ZNF133: variants seen among roughly 807,000 people sequenced by gnomAD.
The protein encoded by ZNF133 is zinc finger protein 133 (clone pHZ-13).
ZNF133 carries 26 observed loss-of-function variants against 54.9 expected under a neutral mutation model. The observed-to-expected ratio is 0.47, with a 90% CI of 0.35 to 0.66. The LOEUF is 0.66. ZNF133 is among the 30% of genes least tolerant of loss of function. The probability of loss-of-function intolerance (pLI) is 0.01; values close to 1 mark genes in which losing one functional copy is unlikely to be tolerated. For missense variants in ZNF133, 653 were observed against 820.8 expected (o/e 0.80, Z 2.50); for synonymous variants, 298 against 320.3 (o/e 0.93, Z 0.74).
At chr20:18,298,146 G>C in intron 2 of ZNF133, 84 bp downstream of exon 2, 1 of 1,529,978 alleles carries the variant, frequency 6.5e-7, no homozygotes, top group Non-Finnish European at 8.7e-7. Flanking sequence ...TTGGTGCCTA[G>C]TAGAGTTCAG....
Position 18,305,706 on chromosome 20 carries a change from C to T in ZNF133, c.20C>T (p.Ala7Val), listed in dbSNP as rs759265829. 3 of 1,614,044 alleles carry T rather than the reference C, an allele frequency of 1.9e-6. No homozygotes were observed. The Admixed American group carries it at 5.0e-5, about 27-fold the overall frequency. MAFRDV[A>V]VDFTQDEWRL... ...GCACACATGGCATTCAGGGATGTGG[C>T]TGTGGATTTCACCCAGGATGAGTGG... Residue 7 changes from alanine to valine, a missense_variant, in exon 5 of 7, where the codon GCT becomes GTT. Transcript: ENST00000425686. The surrounding 1 kb of genome is among the most constrained non-coding windows in gnomAD (Gnocchi z 4.7).
chr20:18,310,480 A>T (rs1036960824), intron 6 of ZNF133, among the ~76,000 whole-genome samples: 2 of 152,226 alleles, frequency 1.3e-5, no homozygotes, highest in Non-Finnish European at 2.9e-5. Flanking sequence ...TTGCAACAAC[A>T]TGGATGAACC....
intron 1 of ZNF133, among the ~76,000 whole-genome samples, chr20:18,296,172 C>G (rs1312769630): frequency 6.6e-6 from 1 of 152,080 alleles, no homozygotes; most frequent in Admixed American, 6.5e-5. Context: ...CTTTCTTCTC[C>G]CCCTTTTAGT....
At chr20:18,291,439 G>C (rs1250206284) in intron 1 of ZNF133, among the ~76,000 whole-genome samples, 1 of 152,102 alleles carries the variant, frequency 6.6e-6, no homozygotes, top group African/African-American at 2.4e-5. Flanking sequence ...AGTTGCTCTT[G>C]GTACTAGGTC....
intron 6 of ZNF133, chr20:18,312,671 A>C (rs2147796256): frequency 6.6e-6 from 1 of 152,320 alleles, no homozygotes; most frequent in African/African-American, 2.4e-5. Flanking sequence ...TTTCCTTCAG[A>C]AACTGGCATA....
intron 6 of ZNF133, chr20:18,310,127 T>C: frequency 7.6e-7 from 1 of 1,307,580 alleles, no homozygotes; most frequent in Non-Finnish European, 9.7e-7. Flanking sequence ...AAGCGAAACC[T>C]ATCTTTTTTG....
In ZNF133 at chr20:18,316,716, G is replaced by A. The variant is rs1600632208; in HGVS notation, c.1865G>A (p.Ser622Asn). 6 of 1,614,120 alleles carry A rather than the reference G, an allele frequency of 3.7e-6. No individual in the cohort carries two copies. Among genetic ancestry groups the A allele is most frequent in the Non-Finnish European group, 5.1e-6 (6 of 1,179,950 alleles). ...GRGFSLKSHL[S>N]RHRKTTSVHH... is the part of the protein sequence containing the mutation. ...GGCTTCAGCCTCAAGTCTCACCTCA[G>A]CAGACACAGGAAGACCACGTCTGTC... The change falls in exon 7 of 7, where the codon AGC becomes AAC. Residue 622 changes from serine to asparagine, a missense_variant. Physicochemically the swap from Ser to Asn is conservative, Grantham distance 46. This residue lies in a region of ZNF133 where 129 missense variants were observed against 138.5 expected (regional missense o/e 0.93). Transcript: ENST00000425686.
intron 1 of ZNF133, among the ~76,000 whole-genome samples, chr20:18,297,334 C>A (rs1279812843): frequency 6.6e-6 from 1 of 151,772 alleles, no homozygotes; most frequent in Non-Finnish European, 1.5e-5. Context: ...TTGTCTTTTT[C>A]TTTGATTTCT....
chr20:18,297,849 G>A lies in ZNF133; in HGVS notation c.-431-136G>A, dbSNP rs1600394583. The A allele has an allele frequency of 2.7e-5, 16 of 587,954 alleles. No homozygotes were observed. The East Asian group carries it at 4.6e-4, about 17-fold the overall frequency. The allele number at this position is 587,954 out of a possible 1,614,324, so 36.4% of individuals were successfully genotyped here. ...CCTTTTCCTTTGCTGTTTCCAAGCA[G>A]TATCTTTTCCTTGCTTTATACTTTC... On this transcript the variant is annotated intron_variant, in intron 1 of 6. Transcript: ENST00000425686.
In ZNF133 at chr20:18,316,898, G is replaced by C; in HGVS notation, c.*82G>C. The C allele has an allele frequency of 1.4e-6, 2 of 1,464,648 alleles. No homozygotes were observed. The highest frequency in any genetic ancestry group is 9.1e-7 in the Non-Finnish European group (1 of 1,097,980). The allele number at this position is 1,464,648 out of a possible 1,614,324, so 90.7% of individuals were successfully genotyped here. A position where few individuals can be genotyped will look rare whatever the true frequency, so the allele number is the denominator to read the frequency against. ...AGTAGAGAAATGCATTCTGTAAGTG[G>C]TCAAAGGACATTTGACTGTTTACTT... is the stretch of plus-strand genomic sequence containing the variant. On this transcript the variant is annotated 3_prime_UTR_variant, in exon 7 of 7. Coordinates refer to ENST00000425686, the MANE Select transcript of ZNF133 (RefSeq NM_001352452.2).
intron 1 of ZNF133, among the ~76,000 whole-genome samples, chr20:18,295,662 T>C (rs940981152): frequency 1.3e-5 from 2 of 152,160 alleles, no homozygotes; most frequent in African/African-American, 4.8e-5. Flanking sequence ...AATTAATTAA[T>C]TTATTTATTT....
intron 3 of ZNF133, among the ~76,000 whole-genome samples, chr20:18,303,460 T>C (rs911089304): frequency 2.6e-5 from 4 of 152,168 alleles, no homozygotes; most frequent in African/African-American, 7.2e-5. Flanking sequence ...TTAAACTTGA[T>C]ATGGAATCTC....
At chr20:18,311,520 A>G (rs905260724) in intron 6 of ZNF133, among the ~76,000 whole-genome samples, 2 of 152,202 alleles carry the variant, frequency 1.3e-5, no homozygotes, top group African/African-American at 4.8e-5. Context: ...GGCAAGCTAA[A>G]TAATTGTACA....
intron 3 of ZNF133, among the ~76,000 whole-genome samples, chr20:18,302,739 G>A (rs914458535): frequency 5.9e-5 from 9 of 152,208 alleles, no homozygotes; most frequent in African/African-American, 1.9e-4. Context: ...GGGAAAAAGC[G>A]AAGTTATCTG....
chr20:18,304,589 T>C (rs2044179866), intron 3 of ZNF133, among the ~76,000 whole-genome samples: 1 of 152,228 alleles, frequency 6.6e-6, no homozygotes, highest in Non-Finnish European at 1.5e-5. Context: ...TGCTTCTACA[T>C]GGCTAAATCT....
In ZNF133 at chr20:18,315,852, G is replaced by C. The variant is rs1447254793; in HGVS notation, c.1001G>C (p.Gly334Ala). ...KPYVCRECGK[G>A]FSQKSAVVRH... is the part of the protein sequence containing the mutation. ...TACGTGTGCCGGGAATGTGGCAAAG[G>C]CTTCAGCCAGAAGTCAGCTGTCGTG... Residue 334 changes from glycine (G) to alanine (A), a missense_variant, in exon 7 of 7, where the codon GGC (glycine) becomes GCC (alanine). By Grantham distance (60) the Gly-to-Ala change is moderately conservative. Around this residue, in one of 4 missense-constraint regions of ZNF133, gnomAD observed 292 missense variants for 431.6 expected, o/e 0.68. Transcript: ENST00000425686. The C allele has an allele frequency of 3.1e-6, 5 of 1,613,096 alleles. No individual in the cohort carries two copies. The highest frequency in any genetic ancestry group is 1.3e-5 in the African/African-American group (1 of 74,862).
At chr20:18,313,505 T>G (rs954686055) in intron 6 of ZNF133, 15 of 152,188 alleles carry the variant, frequency 9.9e-5, no homozygotes, top group African/African-American at 3.6e-4. Context: ...AGGAGTTCCT[T>G]TTACTGCTGA....
intron 1 of ZNF133, among the ~76,000 whole-genome samples, chr20:18,291,124 G>A (rs553477607): frequency 1.3e-5 from 2 of 152,068 alleles, no homozygotes; most frequent in South Asian, 2.1e-4. Flanking sequence ...CATTCTTCTC[G>A]ATTCCTTTTC....
intron 1 of ZNF133, among the ~76,000 whole-genome samples, chr20:18,292,436 T>C (rs2041269917): frequency 6.6e-6 from 1 of 152,188 alleles, no homozygotes; most frequent in Non-Finnish European, 1.5e-5. Flanking sequence ...CATGCCAGCC[T>C]GATTCTTCCT....
Sources: allele counts gnomAD v4.1 joint callset (sites outside exome capture counted in the v4.1 genomes callset), GRCh38; gene constraint gnomAD v4.1.1; regional missense constraint gnomAD v4.1.1; non-coding constraint Gnocchi (gnomAD v3.1); transcripts MANE v1.5; gene names NCBI Gene and HGNC (gene_info 2026-07-23, HGNC 2026-07-21).